The following SLC35F3 variants were observed in gnomAD, a reference collection of about 807,000 sequenced individuals.
SLC35F3 encodes the protein solute carrier family 35 member F3.
A neutral mutation model predicts 49.9 loss-of-function variants in SLC35F3; 25 were observed. That is an observed-to-expected ratio of 0.50 (90% CI 0.37 to 0.70). SLC35F3 has a LOEUF of 0.70. Ranked by LOEUF, SLC35F3 falls within the 30% of genes least tolerant of loss-of-function variation. The pLI, the probability that SLC35F3 is intolerant of heterozygous loss-of-function variation, is 0.00. For synonymous variants in SLC35F3, 275 were observed against 265.4 expected, an observed-to-expected ratio of 1.04 and a Z score of -0.35; for missense variants, 525 against 639.8, an observed-to-expected ratio of 0.82 and a Z score of 1.94.
At chr1:233,923,896 G>A (rs543794415) in intron 2 of SLC35F3, among the ~76,000 whole-genome samples, 111 of 152,326 alleles carry the variant, frequency 7.3e-4, no homozygotes, top group Non-Finnish European at 1.3e-3. Context: ...CATCTATTGA[G>A]ATAATCATGT....
chr1:234,303,355 T>C (rs1417967436), intron 3 of SLC35F3, among the ~76,000 whole-genome samples: 1 of 152,234 alleles, frequency 6.6e-6, no homozygotes, highest in African/African-American at 2.4e-5. Flanking sequence ...ATCACAAGAC[T>C]TCCTCAGAGA....
At chr1:234,185,838 T>C (rs1666635785) in intron 2 of SLC35F3, among the ~76,000 whole-genome samples, 1 of 152,248 alleles carries the variant, frequency 6.6e-6, no homozygotes, top group African/African-American at 2.4e-5. Context: ...ATATGTTTGC[T>C]CTGTTATTAT....
chr1:234,016,043 A>T (rs1031284612), intron 2 of SLC35F3, among the ~76,000 whole-genome samples: 9 of 152,218 alleles, frequency 5.9e-5, no homozygotes, highest in Admixed American at 1.3e-4. Context: ...GATATGTTTT[A>T]AAAAATGTTC....
chr1:234,197,393 G>T (rs150039225), intron 2 of SLC35F3, among the ~76,000 whole-genome samples: 106 of 152,302 alleles, frequency 7.0e-4, no homozygotes, highest in African/African-American at 2.5e-3. Context: ...TCCTTCCAGG[G>T]CAAAGGTGAG....
intron 2 of SLC35F3, among the ~76,000 whole-genome samples, chr1:234,087,585 A>C (rs1243258145): frequency 6.6e-6 from 1 of 152,164 alleles, no homozygotes; most frequent in African/African-American, 2.4e-5. Flanking sequence ...GGATCCTCCC[A>C]CTGCACTGTG....
In SLC35F3 at chr1:233,993,907, T is replaced by C. The variant is rs145897585; in HGVS notation, c.283+88149T>C. ...TGACTCAGCTGCCCAACCTGCCGCA[T>C]GCTCAAATGAATCAGAGTGAGGTGT... On this transcript the variant is annotated intron_variant, in intron 2 of 7. Transcript: ENST00000366618. 3.5e-4 allele frequency among the ~76,000 whole-genome samples: 53 copies of C among 152,348 alleles called. No individual in the cohort carries two copies. In the East Asian group the frequency reaches 9.8e-3, roughly 28 times the overall value.
intron 2 of SLC35F3, among the ~76,000 whole-genome samples, chr1:234,168,163 C>T (rs986056171): frequency 9.9e-5 from 15 of 152,198 alleles, no homozygotes; most frequent in Non-Finnish European, 1.5e-4. Flanking sequence ...TCACTTGAGC[C>T]ATGGTGCAGA....
chr1:233,992,061 T>C (rs775474569), intron 2 of SLC35F3, among the ~76,000 whole-genome samples: 34 of 152,064 alleles, frequency 2.2e-4, no homozygotes, highest in Non-Finnish European at 4.9e-4. Context: ...AGTTGGAGAA[T>C]AGAAGCAGAC....
intron 2 of SLC35F3, among the ~76,000 whole-genome samples, chr1:233,982,703 T>C (rs1257607787): frequency 6.6e-6 from 1 of 152,206 alleles, no homozygotes; most frequent in Non-Finnish European, 1.5e-5. Flanking sequence ...ATCTTTTTTT[T>C]GTTTGTTTGT....
chr1:234,146,722 C>G (rs2102906307), intron 2 of SLC35F3, among the ~76,000 whole-genome samples: 1 of 152,200 alleles, frequency 6.6e-6, no homozygotes, highest in East Asian at 1.9e-4. Context: ...CCATGTTTGT[C>G]AGGCTGGTCT....
intron 2 of SLC35F3, among the ~76,000 whole-genome samples, chr1:234,008,325 C>T (rs1193755139): frequency 6.6e-6 from 1 of 152,164 alleles, no homozygotes; most frequent in Non-Finnish European, 1.5e-5. Flanking sequence ...CAGATACTTG[C>T]TTATGATGCA....
intron 2 of SLC35F3, among the ~76,000 whole-genome samples, chr1:234,085,256 C>G (rs891892695): frequency 1.2e-4 from 18 of 152,122 alleles, no homozygotes; most frequent in Non-Finnish European, 2.2e-4. Context: ...GAATCTTTGG[C>G]AGAGGAATGC....
At chr1:234,130,458 G>A (rs866707045) in intron 2 of SLC35F3, among the ~76,000 whole-genome samples, 5 of 83,132 alleles carry the variant, frequency 6.0e-5, no homozygotes, top group Non-Finnish European at 1.2e-4. Flanking sequence ...GGCTAACACG[G>A]TGAAACCCCG....
At chr1:234,309,429 C>A in intron 4 of SLC35F3, 109 bp downstream of exon 4, 1 of 904,924 alleles carries the variant, frequency 1.1e-6, no homozygotes, top group Non-Finnish European at 1.7e-6. Context: ...AGCTGCTGAC[C>A]ACTTTCCTTC....
intron 3 of SLC35F3, among the ~76,000 whole-genome samples, chr1:234,304,367 T>C (rs1668745218): frequency 6.6e-6 from 1 of 152,150 alleles, no homozygotes; most frequent in Non-Finnish European, 1.5e-5. Flanking sequence ...TTCACCATAT[T>C]GGCCAGGCTG....
intron 3 of SLC35F3, among the ~76,000 whole-genome samples, chr1:234,294,777 C>T (rs564893068): frequency 2.0e-5 from 3 of 152,282 alleles, no homozygotes; most frequent in South Asian, 2.1e-4. Flanking sequence ...GACACAGGCT[C>T]CTTCTTCCAG....
At chr1:234,001,476 A>G (rs1039773957) in intron 2 of SLC35F3, among the ~76,000 whole-genome samples, 4 of 152,182 alleles carry the variant, frequency 2.6e-5, no homozygotes, top group African/African-American at 9.7e-5. Flanking sequence ...ATGCTAAGAA[A>G]AGTTTTCATT....
intron 2 of SLC35F3, among the ~76,000 whole-genome samples, chr1:233,997,072 C>G (rs1347649606): frequency 6.6e-6 from 1 of 152,176 alleles, no homozygotes; most frequent in Non-Finnish European, 1.5e-5. Flanking sequence ...TATCTTGTCA[C>G]AAATGACAGG....
At chr1:234,149,355 A>G (rs1447911887) in intron 2 of SLC35F3, among the ~76,000 whole-genome samples, 1 of 152,196 alleles carries the variant, frequency 6.6e-6, no homozygotes, top group African/African-American at 2.4e-5. Context: ...TGGATGCGTA[A>G]TCTTTCTCAC....
Sources: allele counts gnomAD v4.1 joint callset (sites outside exome capture counted in the v4.1 genomes callset), GRCh38; gene constraint gnomAD v4.1.1; transcripts MANE v1.5; gene names NCBI Gene and HGNC (gene_info 2026-07-23, HGNC 2026-07-21).